TP53BP1: variants seen among roughly 807,000 people sequenced by gnomAD.
TP53BP1 encodes tumor protein p53 binding protein 1.
TP53BP1 carries 61 observed loss-of-function variants against 200.8 expected under a neutral mutation model. The ratio of observed to expected loss-of-function variants is 0.30; its 90% CI spans 0.25 to 0.38. TP53BP1 has a LOEUF of 0.38. Ranked by LOEUF, TP53BP1 falls within the 10% of genes least tolerant of loss-of-function variation. The pLI is 1.00. For synonymous variants in TP53BP1, 822 were observed against 844.3 expected, an observed-to-expected ratio of 0.97 and a Z score of 0.46; for missense variants, 2,144 against 2,371.9, an observed-to-expected ratio of 0.90 and a Z score of 2.00.
chr15:43,447,837 C>T (rs2046079044), intron 12 of TP53BP1, among the ~76,000 whole-genome samples: 1 of 152,162 alleles, frequency 6.6e-6, no homozygotes, highest in South Asian at 2.1e-4. Context: ...TTTAGCAATA[C>T]AAATTTGGAC....
In TP53BP1 at chr15:43,474,865, C is replaced by A. The variant is rs150303972; in HGVS notation, c.1086-98G>T. 73 of 816,536 alleles carry A rather than the reference C, an allele frequency of 8.9e-5. No individual in the cohort carries two copies. The African/African-American group carries it at 1.1e-3, about 12-fold the overall frequency. 50.6% of individuals were successfully genotyped at this position (816,536 alleles called of 1,614,324 possible). A position where few individuals can be genotyped will look rare whatever the true frequency, so the allele number is the denominator to read the frequency against. ...TTTTAACAGGAAAAAATATCTAAGG[C>A]ATTCAGATAAATACTTATCAGCACT... On this transcript the variant is annotated intron_variant, in intron 9 of 27. Transcript: ENST00000382044.
chr15:43,495,440 A>G (rs2079176284), upstream of TP53BP1, among the ~76,000 whole-genome samples: 1 of 151,176 alleles, frequency 6.6e-6, no homozygotes, highest in Non-Finnish European at 1.5e-5. Context: ...CGTAGGTTAC[A>G]GTGAGCCGAG....
intron 4 of TP53BP1, among the ~76,000 whole-genome samples, chr15:43,490,885 G>A (rs1453715376): frequency 1.3e-5 from 2 of 152,094 alleles, no homozygotes; most frequent in Non-Finnish European, 2.9e-5. Flanking sequence ...TATACTATAT[G>A]CCAAACGTCC....
intron 23 of TP53BP1, among the ~76,000 whole-genome samples, chr15:43,413,786 G>GAA (rs758315193): frequency 1.5e-5 from 2 of 134,566 alleles, no homozygotes. Context: ...GCAGCCTTTG[G>GAA]AAAAAAAAAA....
chr15:43,487,052 A>T (rs2079056529), intron 4 of TP53BP1, among the ~76,000 whole-genome samples: 1 of 152,206 alleles, frequency 6.6e-6, no homozygotes, highest in South Asian at 2.1e-4. Flanking sequence ...GTGGGAGAAA[A>T]TATTTGCAAA....
At chr15:43,422,341 C>CT (rs537821827) in intron 18 of TP53BP1, among the ~76,000 whole-genome samples, 17 of 148,548 alleles carry the variant, frequency 1.1e-4, no homozygotes, top group African/African-American at 3.5e-4. Context: ...AGGATCTGTT[C>CT]TTTTTTTTTT....
chr15:43,449,282 G>A (rs1390980053), intron 12 of TP53BP1, among the ~76,000 whole-genome samples: 1 of 152,140 alleles, frequency 6.6e-6, no homozygotes, highest in Non-Finnish European at 1.5e-5. Context: ...CCCTTATAAA[G>A]CAAGTTGTTC....
At chr15:43,486,534 C>A in intron 4 of TP53BP1, among the ~76,000 whole-genome samples, 1 of 152,032 alleles carries the variant, frequency 6.6e-6, no homozygotes, top group East Asian at 1.9e-4. Context: ...GAAGTAAAAC[C>A]ATAAACAGTT....
intron 17 of TP53BP1, 51 bp downstream of exon 17, chr15:43,432,143 T>A: frequency 6.4e-7 from 1 of 1,560,488 alleles, no homozygotes; most frequent in Non-Finnish European, 8.7e-7. Flanking sequence ...TCTCTGAGAA[T>A]CCTGAAAGTT....
chr15:43,505,659 A>T (rs892417026), intron 1 of TP53BP1, among the ~76,000 whole-genome samples: 1 of 152,228 alleles, frequency 6.6e-6, no homozygotes, highest in Non-Finnish European at 1.5e-5. Context: ...TAATTAGAAA[A>T]ATATTTATTG....
intron 11 of TP53BP1, among the ~76,000 whole-genome samples, chr15:43,468,052 T>G (rs2046633711): frequency 6.6e-6 from 1 of 152,146 alleles, no homozygotes; most frequent in Non-Finnish European, 1.5e-5. Context: ...CCCAAAGTGC[T>G]GGGATTACAG....
chr15:43,462,307 T>C (rs1012275832), intron 11 of TP53BP1, among the ~76,000 whole-genome samples: 8 of 151,726 alleles, frequency 5.3e-5, no homozygotes, highest in African/African-American at 1.9e-4. Flanking sequence ...TCTTCTCTTT[T>C]TTCTTTTCTT....
chr15:43,496,679 A>T (rs1371515886), upstream of TP53BP1, among the ~76,000 whole-genome samples: 1 of 147,344 alleles, frequency 6.8e-6, no homozygotes, highest in Admixed American at 6.9e-5. Flanking sequence ...GCTGGAGTGC[A>T]ATGGTGTGAT....
rs917216504 is a variant in TP53BP1, at chr15:43,452,487, C to T, written c.2716+3405G>A. ...CTGAAGTGGGAGGATCACCTGAGCC[C>T]GGGAGGTCAAGGCTGCAGTGAACAT... On this transcript the variant is annotated intron_variant, in intron 12 of 27. Coordinates refer to ENST00000382044, the MANE Select transcript of TP53BP1 (RefSeq NM_001141980.3). Among the ~76,000 whole-genome samples, 20 of 150,384 alleles carry T rather than the reference C, an allele frequency of 1.3e-4. 1 individual carries two copies. In the East Asian group the frequency reaches 1.8e-3, roughly 14 times the overall value.
At chr15:43,442,242 C>T (rs570296745) in intron 14 of TP53BP1, among the ~76,000 whole-genome samples, 89 of 152,084 alleles carry the variant, frequency 5.9e-4, no homozygotes, top group African/African-American at 2.0e-3. Flanking sequence ...CCCGCCACCA[C>T]GCCCGGCTAA....
intron 24 of TP53BP1, among the ~76,000 whole-genome samples, chr15:43,409,985 T>C (rs2045062994): frequency 1.3e-5 from 2 of 152,130 alleles, no homozygotes; most frequent in Admixed American, 1.3e-4. Context: ...GTCCTAGACC[T>C]AAAAACATCA....
chr15:43,493,932 C>A (rs532646391), upstream of TP53BP1, among the ~76,000 whole-genome samples: 4 of 152,262 alleles, frequency 2.6e-5, no homozygotes, highest in African/African-American at 9.6e-5. Context: ...GAACAGCTGC[C>A]ACCCCTTCTA....
chr15:43,474,069 G>T (rs1351634716), intron 10 of TP53BP1, among the ~76,000 whole-genome samples: 1 of 152,208 alleles, frequency 6.6e-6, no homozygotes, highest in Non-Finnish European at 1.5e-5. Flanking sequence ...CAGCGCCGGT[G>T]GGCTAGCACT....
chr15:43,475,437 T>C (rs2078865983), intron 9 of TP53BP1, 128 bp downstream of exon 9: 1 of 1,085,062 alleles, frequency 9.2e-7, no homozygotes, highest in Non-Finnish European at 1.3e-6. Context: ...AAAGCTCTAA[T>C]GCATAGGTTC....
Sources: gnomAD v4.1 joint callset for allele counts (sites outside exome capture counted in the v4.1 genomes callset) on GRCh38, gnomAD v4.1.1 for gene constraint, MANE v1.5 for transcripts, NCBI Gene and HGNC (gene_info 2026-07-23, HGNC 2026-07-21) for gene names.